The following COMMD10 variants were observed in gnomAD, a reference collection of about 807,000 sequenced individuals.
COMMD10 encodes the protein COMM domain-containing protein 10.
In COMMD10, 33 loss-of-function variants were observed where a neutral mutation model predicts 28.9. The observed-to-expected ratio is 1.14, with a 90% CI of 0.87 to 1.53. The LOEUF (loss-of-function observed/expected upper bound fraction) is 1.53. Among genes scored for constraint, COMMD10 ranks in the 40% most tolerant of loss-of-function variants. The pLI is 0.00. For missense variants in COMMD10, 310 were observed against 233.4 expected, an observed-to-expected ratio of 1.33 and a Z score of -2.14; for synonymous variants, 110 against 81.7, an observed-to-expected ratio of 1.35 and a Z score of -1.87.
At chr5:116,242,460 C>A (rs1749837327) in intron 5 of COMMD10, among the ~76,000 whole-genome samples, 1 of 152,140 alleles carries the variant, frequency 6.6e-6, no homozygotes, top group Non-Finnish European at 1.5e-5. Flanking sequence ...CTCTCAGCAA[C>A]CCTGAGGGTT....
At chr5:116,269,147 T>C (rs1034044876) in intron 5 of COMMD10, among the ~76,000 whole-genome samples, 4 of 151,862 alleles carry the variant, frequency 2.6e-5, no homozygotes, top group African/African-American at 9.7e-5. Flanking sequence ...AAATTGGTTT[T>C]TACTGTCATG....
intron 5 of COMMD10, among the ~76,000 whole-genome samples, chr5:116,246,812 C>G (rs539982619): frequency 3.9e-5 from 6 of 152,124 alleles, no homozygotes; most frequent in African/African-American, 1.2e-4. Flanking sequence ...TGGACCGTTT[C>G]CTTACACCAT....
chr5:116,255,547 G>C (rs1435783248), intron 5 of COMMD10, among the ~76,000 whole-genome samples: 1 of 151,560 alleles, frequency 6.6e-6, no homozygotes, highest in Non-Finnish European at 1.5e-5. Context: ...TTCAAGAGAA[G>C]TAGTTGAGTC....
intron 5 of COMMD10, among the ~76,000 whole-genome samples, chr5:116,205,104 T>G (rs745593043): frequency 6.6e-6 from 1 of 152,182 alleles, no homozygotes; most frequent in African/African-American, 2.4e-5. Context: ...TCCTAGATGG[T>G]CATGATCTGG....
intron 5 of COMMD10, chr5:116,218,135 T>C: frequency 8.1e-7 from 1 of 1,231,804 alleles, no homozygotes; most frequent in South Asian, 1.2e-5. Flanking sequence ...CTTTCTCCCT[T>C]TGGGTACCTT....
intron 5 of COMMD10, among the ~76,000 whole-genome samples, chr5:116,249,590 A>T (rs1750052118): frequency 6.6e-6 from 1 of 151,956 alleles, no homozygotes; most frequent in Non-Finnish European, 1.5e-5. Context: ...TCATATTCAC[A>T]TCTACACCTT....
At chr5:116,154,018 A>G (rs912552821) in intron 5 of COMMD10, among the ~76,000 whole-genome samples, 14 of 152,116 alleles carry the variant, frequency 9.2e-5, no homozygotes, top group Admixed American at 2.0e-4. Flanking sequence ...CTCAACCACA[A>G]TAAAAGTAGG....
chr5:116,156,405 T>TA (rs1215753159), intron 5 of COMMD10, among the ~76,000 whole-genome samples: 1 of 152,188 alleles, frequency 6.6e-6, no homozygotes, highest in African/African-American at 2.4e-5. Context: ...ACAGCAAATA[T>TA]AAAAGCATCT....
intron 5 of COMMD10, among the ~76,000 whole-genome samples, chr5:116,282,606 A>C (rs1479959897): frequency 6.6e-6 from 1 of 151,900 alleles, no homozygotes; most frequent in Non-Finnish European, 1.5e-5. Flanking sequence ...TAAACAACAG[A>C]AAATTATTTT....
chr5:116,096,899 T>C (rs1378964280), intron 4 of COMMD10, among the ~76,000 whole-genome samples: 1 of 152,136 alleles, frequency 6.6e-6, no homozygotes, highest in Non-Finnish European at 1.5e-5. Context: ...TAAGCCATTT[T>C]CATTTTTAAA....
chr5:116,177,010 C>T (rs1265856026), intron 5 of COMMD10, among the ~76,000 whole-genome samples: 1 of 152,094 alleles, frequency 6.6e-6, no homozygotes, highest in Admixed American at 6.6e-5. Flanking sequence ...CAGAGTTGGT[C>T]TGTAGTTGCT....
intron 5 of COMMD10, among the ~76,000 whole-genome samples, chr5:116,227,511 G>A (rs1190757749): frequency 1.3e-5 from 2 of 151,948 alleles, no homozygotes; most frequent in African/African-American, 2.4e-5. Context: ...CCACAAAATA[G>A]TACTCTGCTT....
intron 5 of COMMD10, among the ~76,000 whole-genome samples, chr5:116,242,249 T>C (rs558422406): frequency 1.3e-5 from 2 of 152,222 alleles, no homozygotes; most frequent in Non-Finnish European, 2.9e-5. Context: ...TTTGAAAGTT[T>C]TGTTAAGGTA....
chr5:116,189,715 T>C (rs1748286039), intron 5 of COMMD10, among the ~76,000 whole-genome samples: 2 of 136,354 alleles, frequency 1.5e-5, no homozygotes, highest in Admixed American at 1.4e-4. Context: ...GTAAAGAGAA[T>C]TTAAGAAAGA....
chr5:116,279,770 G>C (rs185856249), intron 5 of COMMD10, among the ~76,000 whole-genome samples: 25 of 151,916 alleles, frequency 1.6e-4, no homozygotes, highest in Admixed American at 8.5e-4. Flanking sequence ...TGGTGTAACA[G>C]ATACAAAGAG....
chr5:116,240,352 C>T (rs758891606), intron 5 of COMMD10, among the ~76,000 whole-genome samples: 1 of 152,142 alleles, frequency 6.6e-6, no homozygotes, highest in East Asian at 1.9e-4. Context: ...AGGGAGAATA[C>T]AGCAATCTCC....
Position 116,256,918 on chromosome 5 carries a change from C to T in COMMD10, c.511-34599C>T, listed in dbSNP as rs183836193. 3.9e-3 allele frequency among the ~76,000 whole-genome samples: 588 copies of T among 151,788 alleles called. 5 individuals carry two copies. The highest frequency in any genetic ancestry group is 0.012 in the Admixed American group (182 of 15,202). ...GAATTTGTATGCTACTGATAAACAA[C>T]TCTTTTATTAGACTTACTCACACAT... On this transcript the variant is annotated intron_variant, in intron 5 of 6. Coordinates refer to ENST00000274458, the MANE Select transcript of COMMD10 (RefSeq NM_016144.4).
chr5:116,268,058 A>T (rs1292807658), intron 5 of COMMD10, among the ~76,000 whole-genome samples: 1 of 151,872 alleles, frequency 6.6e-6, no homozygotes, highest in Non-Finnish European at 1.5e-5. Flanking sequence ...TCATGTCTAA[A>T]ACACCAAAAG....
intron 1 of COMMD10, 167 bp downstream of exon 1, chr5:116,085,260 G>A (rs571523449): frequency 5.6e-4 from 364 of 655,048 alleles, no homozygotes; most frequent in Non-Finnish European, 7.9e-4. Context: ...TGCGGAGTGC[G>A]TGGGGCCGTG....
Sources: gnomAD v4.1 joint callset for allele counts (sites outside exome capture counted in the v4.1 genomes callset) on GRCh38, gnomAD v4.1.1 for gene constraint, MANE v1.5 for transcripts, NCBI Gene and HGNC (gene_info 2026-07-23, HGNC 2026-07-21) for gene names.